The following CMSS1 variants were observed in gnomAD, a reference collection of about 807,000 sequenced individuals.
CMSS1 encodes cms1 ribosomal small subunit homolog.
Under a neutral mutation model 43.5 loss-of-function variants are expected in CMSS1, and 33 were observed. The observed-to-expected ratio is 0.76, with a 90% confidence interval of 0.57 to 1.01. The LOEUF (loss-of-function observed/expected upper bound fraction) is 1.01. Ranked by LOEUF, CMSS1 falls within the 50% of genes least tolerant of loss-of-function variation. CMSS1 has a pLI of 0.00. For missense variants in CMSS1, 313 were observed against 326.4 expected (o/e 0.96, Z 0.32); for synonymous variants, 115 against 117.2 (o/e 0.98, Z 0.12).
At chr3:100,100,446 A>G (rs1180883210) in intron 1 of CMSS1, among the ~76,000 whole-genome samples, 1 of 152,188 alleles carries the variant, frequency 6.6e-6, no homozygotes, top group African/African-American at 2.4e-5. Flanking sequence ...AGATTAGGTC[A>G]TAAGGCACAG....
intron 1 of CMSS1, among the ~76,000 whole-genome samples, chr3:100,078,970 A>T (rs144587909): frequency 5.3e-4 from 81 of 152,286 alleles, no homozygotes; most frequent in African/African-American, 1.9e-3. Context: ...GCCACATTCA[A>T]AGCTGTCCTG....
At chr3:99,869,046 G>T (rs983383544) in intron 1 of CMSS1, among the ~76,000 whole-genome samples, 1 of 152,154 alleles carries the variant, frequency 6.6e-6, no homozygotes, top group Non-Finnish European at 1.5e-5. Flanking sequence ...CACTTCCTAG[G>T]GGAGTATAAC....
chr3:100,130,494 G>A (rs2066697591), intron 1 of CMSS1, among the ~76,000 whole-genome samples: 1 of 152,132 alleles, frequency 6.6e-6, no homozygotes, highest in African/African-American at 2.4e-5. Context: ...ATCCTATGCT[G>A]CCTCCAGAAC....
chr3:99,966,874 C>T (rs1708669243), intron 1 of CMSS1, among the ~76,000 whole-genome samples: 1 of 152,190 alleles, frequency 6.6e-6, no homozygotes, highest in Admixed American at 6.5e-5. Flanking sequence ...CTAACTCAAG[C>T]TGGCAGAACT....
intron 1 of CMSS1, among the ~76,000 whole-genome samples, chr3:100,097,110 A>G (rs2066223286): frequency 6.6e-6 from 1 of 152,196 alleles, no homozygotes. Context: ...CAGCAGCATT[A>G]GATTCTCATA....
At chr3:99,830,402 C>T in intron 1 of CMSS1, 2 of 424,952 alleles carry the variant, frequency 4.7e-6, no homozygotes, top group Non-Finnish European at 9.5e-6. Context: ...CCAGGCAGTG[C>T]ATTGGTATGA....
intron 1 of CMSS1, among the ~76,000 whole-genome samples, chr3:100,000,962 A>G (rs900417901): frequency 6.6e-6 from 1 of 152,218 alleles, no homozygotes; most frequent in African/African-American, 2.4e-5. Context: ...AATGCCAACT[A>G]TGTTTTCTAT....
At chr3:99,929,752 G>A in intron 1 of CMSS1, 1 of 810,920 alleles carries the variant, frequency 1.2e-6, no homozygotes, top group Middle Eastern at 3.8e-4. Context: ...AAGTGCGTTA[G>A]AAAGTAAAAC....
At chr3:100,095,339 A>G (rs2066186569) in intron 1 of CMSS1, among the ~76,000 whole-genome samples, 1 of 152,214 alleles carries the variant, frequency 6.6e-6, no homozygotes, top group Non-Finnish European at 1.5e-5. Flanking sequence ...CGTGTTTGCT[A>G]TGTTAAACAC....
chr3:99,834,033 A>G (rs1157362055), intron 1 of CMSS1, among the ~76,000 whole-genome samples: 2 of 152,208 alleles, frequency 1.3e-5, no homozygotes, highest in Non-Finnish European at 2.9e-5. Flanking sequence ...TGTCTTTTAT[A>G]TTGTTTGACA....
intron 9 of CMSS1, 118 bp downstream of exon 9, chr3:100,176,533 C>G: frequency 1.5e-6 from 1 of 655,744 alleles, no homozygotes; most frequent in South Asian, 1.9e-5. Flanking sequence ...GAAATGATTT[C>G]TATCTTTTTT....
At chr3:99,845,959 C>T (rs1168405736) in intron 1 of CMSS1, among the ~76,000 whole-genome samples, 2 of 152,154 alleles carry the variant, frequency 1.3e-5, no homozygotes, top group Non-Finnish European at 2.9e-5. Flanking sequence ...AAATCTGGAA[C>T]AAATGATTAA....
At chr3:99,917,701 G>A (rs1459510729) in intron 1 of CMSS1, among the ~76,000 whole-genome samples, 2 of 152,182 alleles carry the variant, frequency 1.3e-5, no homozygotes, top group Non-Finnish European at 2.9e-5. Flanking sequence ...ACTTGGATGT[G>A]CAAAGGTGAT....
At chr3:99,922,183 A>G (rs1371464628) in intron 1 of CMSS1, among the ~76,000 whole-genome samples, 2 of 152,248 alleles carry the variant, frequency 1.3e-5, no homozygotes. Flanking sequence ...CATAATAATG[A>G]AAGATGAAAG....
chr3:99,915,878 T>C (rs1440141211), intron 1 of CMSS1, among the ~76,000 whole-genome samples: 1 of 152,226 alleles, frequency 6.6e-6, no homozygotes, highest in Non-Finnish European at 1.5e-5. Flanking sequence ...CTCTTATTAA[T>C]TGTCACATTA....
intron 1 of CMSS1, among the ~76,000 whole-genome samples, chr3:100,002,519 TC>T (rs1437247905): frequency 1.3e-5 from 2 of 152,216 alleles, no homozygotes; most frequent in Non-Finnish European, 2.9e-5. Context: ...TTCTAGTAAT[TC>T]CGAGTAGGAT....
intron 1 of CMSS1, among the ~76,000 whole-genome samples, chr3:99,956,286 C>T (rs1404629273): frequency 6.6e-6 from 1 of 152,186 alleles, no homozygotes; most frequent in Non-Finnish European, 1.5e-5. Context: ...CACATCTTTA[C>T]ACATGTTCTC....
intron 1 of CMSS1, among the ~76,000 whole-genome samples, chr3:99,983,856 A>G (rs1168410146): frequency 2.6e-5 from 4 of 152,064 alleles, no homozygotes; most frequent in Non-Finnish European, 4.4e-5. Flanking sequence ...ATAAACTTAT[A>G]ATGTAGAATA....
intron 1 of CMSS1, among the ~76,000 whole-genome samples, chr3:100,048,087 C>T (rs962197088): frequency 1.3e-5 from 2 of 152,180 alleles, no homozygotes; most frequent in African/African-American, 4.8e-5. Context: ...GGCCAAACAG[C>T]CACAATCCAA....
Sources: gnomAD v4.1 joint callset for allele counts (sites outside exome capture counted in the v4.1 genomes callset) on GRCh38, gnomAD v4.1.1 for gene constraint, MANE v1.5 for transcripts, NCBI Gene and HGNC (gene_info 2026-07-23, HGNC 2026-07-21) for gene names.